PMEPA1: variants seen among roughly 807,000 people sequenced by gnomAD.
PMEPA1 encodes prostate transmembrane protein, androgen induced 1.
A neutral mutation model predicts 23.0 loss-of-function variants in PMEPA1; 11 were observed. The ratio of observed to expected loss-of-function variants is 0.48; its 90% confidence interval spans 0.30 to 0.79. The LOEUF is 0.79. Ranked by LOEUF, PMEPA1 falls within the 30% of genes least tolerant of loss-of-function variation. PMEPA1 has a pLI of 0.06. For missense variants in PMEPA1, 377 were observed against 390.9 expected (o/e 0.96, Z 0.30); for synonymous variants, 204 against 166.4 (o/e 1.23, Z -1.74).
Position 57,652,685 on chromosome 20 carries a change from T to C in PMEPA1, c.319-87A>G. 1 of 1,169,964 alleles carries C rather than the reference T, an allele frequency of 8.5e-7. No individual in the cohort carries two copies. 72.5% of individuals were successfully genotyped at this position (1,169,964 alleles called of 1,614,324 possible). A position where few individuals can be genotyped will look rare whatever the true frequency, so the allele number is the denominator to read the frequency against. Reference sequence around the variant, plus strand: ...ATCCTGAGACTGGAGTTCTGCTGCATGGGACTTGGCTCTCTGGGGAAAGGG... The same window carrying C: ...ATCCTGAGACTGGAGTTCTGCTGCACGGGACTTGGCTCTCTGGGGAAAGGG... On this transcript the variant is annotated intron_variant, in intron 3 of 3. Coordinates refer to ENST00000341744, the MANE Select transcript of PMEPA1 (RefSeq NM_020182.5). The surrounding 1 kb of genome is among the most constrained non-coding windows in gnomAD (Gnocchi z 6.1).
chr20:57,696,449 G>A (rs907644427), intron 1 of PMEPA1, among the ~76,000 whole-genome samples: 1 of 152,180 alleles, frequency 6.6e-6, no homozygotes, highest in Admixed American at 6.5e-5. Context: ...TTCAAATCCT[G>A]CTCTGCGGTG....
chr20:57,703,435 G>A (rs766761624), intron 1 of PMEPA1, among the ~76,000 whole-genome samples: 26 of 152,342 alleles, frequency 1.7e-4, no homozygotes, highest in Non-Finnish European at 3.2e-4. Flanking sequence ...CGTCAGGGCG[G>A]TGTTGACCTC....
Position 57,656,774 on chromosome 20 carries a change from G to A in PMEPA1, c.264+2769C>T, listed in dbSNP as rs922343235. Among the ~76,000 whole-genome samples, 2 of 152,186 alleles carry A rather than the reference G, an allele frequency of 1.3e-5. No individual in the cohort carries two copies. Among genetic ancestry groups the A allele is most frequent in the African/African-American group, 4.8e-5 (2 of 41,464 alleles). On this transcript the variant is annotated intron_variant, in intron 2 of 3. Coordinates refer to ENST00000341744, the MANE Select transcript of PMEPA1 (RefSeq NM_020182.5). This position sits in a 1 kb window ranked among gnomAD's most constrained non-coding sequence, Gnocchi z 4.7. ...AGCTCTTGTCTCCATACAGGCAAGA[G>A]GGGACCCCCAGGGTCACCCTGAAAA...
Position 57,709,633 on chromosome 20 carries a change from G to C in PMEPA1, c.-51C>G, listed in dbSNP as rs1413536811. 2.1e-6 allele frequency: 2 copies of C among 971,506 alleles called. No individual in the cohort carries two copies. Among genetic ancestry groups the C allele is most frequent in the Non-Finnish European group, 2.5e-6 (2 of 814,722 alleles). 60.2% of individuals were successfully genotyped at this position (971,506 alleles called of 1,614,324 possible). The stretch of plus-strand genomic sequence containing the variant: ...GCGCGGGGGGCTCGGGGGCGGCCGG[G>C]GGGGGCTCCGGCCGGCGCCCGGAGC... On this transcript the variant is annotated 5_prime_UTR_variant, in exon 1 of 4. Transcript: ENST00000341744.
intron 1 of PMEPA1, among the ~76,000 whole-genome samples, chr20:57,708,868 G>C (rs1449969682): frequency 6.6e-6 from 1 of 151,936 alleles, no homozygotes; most frequent in Non-Finnish European, 1.5e-5. Flanking sequence ...CACAGAGAGA[G>C]GCAGGAAGAC....
intron 1 of PMEPA1, among the ~76,000 whole-genome samples, chr20:57,663,823 C>G (rs2071456132): frequency 6.6e-6 from 1 of 152,188 alleles, no homozygotes; most frequent in Admixed American, 6.5e-5. Context: ...TCACCCCCAC[C>G]CATCAGGAAG....
intron 1 of PMEPA1, among the ~76,000 whole-genome samples, chr20:57,684,211 CG>C (rs3838934): frequency 0.055 from 8,319 of 150,450 alleles, 260 homozygotes; most frequent in Middle Eastern, 0.082. Flanking sequence ...GGAGGGGAGG[CG>C]GGTGGAAATT....
At chr20:57,690,153 G>A (rs1379108199) in intron 1 of PMEPA1, among the ~76,000 whole-genome samples, 2 of 152,230 alleles carry the variant, frequency 1.3e-5, no homozygotes, top group African/African-American at 4.8e-5. Context: ...TTCAGCCTGG[G>A]GGCCTCCATG....
At position 57,652,141 on chromosome 20, in the gene PMEPA1, G is replaced by T; in HGVS notation, c.776C>A (p.Thr259Asn). 6.3e-7 allele frequency: 1 copy of T among 1,597,794 alleles called. No individual in the cohort carries two copies. Among genetic ancestry groups the T allele is most frequent in the East Asian group, 2.3e-5 (1 of 44,132 alleles). The change falls in exon 4 of 4, where the codon ACC (threonine) becomes AAC (asparagine). Residue 259 changes from threonine to asparagine, a missense_variant. Thr to Asn is a moderately conservative substitution (Grantham distance 65). This residue lies in a region of PMEPA1 where 176 missense variants were observed against 173.0 expected (regional missense o/e 1.02). Coordinates refer to ENST00000341744, the MANE Select transcript of PMEPA1 (RefSeq NM_020182.5). This position sits in a 1 kb window ranked among gnomAD's most constrained non-coding sequence, Gnocchi z 6.1. The part of the protein sequence containing the change: ...SSGPPSLLEG[T>N]RLHHTHIAPL... ...CGCGATGTGTGTGTGGTGGAGCCGG[G>T]TCCCCTCCAGCAAGGAGGGCGGCCC...
Position 57,683,384 on chromosome 20 carries a change from G to C in PMEPA1, c.110-23687C>G, listed in dbSNP as rs1002413970. 6.6e-6 allele frequency among the ~76,000 whole-genome samples: 1 copy of C among 152,134 alleles called. No individual in the cohort carries two copies. Among genetic ancestry groups the C allele is most frequent in the Non-Finnish European group, 1.5e-5 (1 of 68,042 alleles). Reference sequence around the variant, plus strand: ...TAATCATTTTCCTTTAATTACTCCAGGAAAGACCCAATTACAGCGCAGACG... The same window carrying C: ...TAATCATTTTCCTTTAATTACTCCACGAAAGACCCAATTACAGCGCAGACG... On this transcript the variant is annotated intron_variant, in intron 1 of 3. Coordinates refer to ENST00000341744, the MANE Select transcript of PMEPA1 (RefSeq NM_020182.5). The surrounding 1 kb of genome is among the most constrained non-coding windows in gnomAD (Gnocchi z 4.3).
intron 1 of PMEPA1, among the ~76,000 whole-genome samples, chr20:57,702,663 G>A (rs149411104): frequency 4.6e-5 from 7 of 152,252 alleles, no homozygotes; most frequent in South Asian, 2.1e-4. Context: ...GGGAGCTTGC[G>A]TTTGAATCCC....
chr20:57,701,066 A>C (rs1262523715), intron 1 of PMEPA1, among the ~76,000 whole-genome samples: 1 of 147,284 alleles, frequency 6.8e-6, no homozygotes, highest in East Asian at 2.0e-4. Context: ...GAAGACATCA[A>C]AAAAAAAAAG....
In PMEPA1 at chr20:57,709,538, G is replaced by C. The variant is rs771157421; in HGVS notation, c.45C>G (p.Ala15=). Reference sequence around the variant, plus strand: ...ACGTGCAGGAGACATTGGGCTGCCCGGCGGCGGCGGCGGCGGTGCTGTTGA... The same window carrying C: ...ACGTGCAGGAGACATTGGGCTGCCCCGCGGCGGCGGCGGCGGTGCTGTTGA... ...MGVNSTAAAA[A]GQPNVSCTCN... Residue 15 remains alanine, a synonymous_variant, in exon 1 of 4, where the codon GCC becomes GCG. Transcript: ENST00000341744. 19 of 1,063,260 alleles carry C rather than the reference G, an allele frequency of 1.8e-5. 1 individual carries two copies. In the Middle Eastern group the frequency reaches 2.3e-3, roughly 131 times the overall value. The allele number at this position is 1,063,260 out of a possible 1,614,324, so 65.9% of individuals were successfully genotyped here.
rs759403857 is a variant in PMEPA1 at position 57,652,317 on chromosome 20, G to A, written c.600C>T (p.Ala200=). 8.1e-6 allele frequency: 13 copies of A among 1,611,952 alleles called. No individual in the cohort carries two copies. Among genetic ancestry groups the A allele is most frequent in the Non-Finnish European group, 1.1e-5 (13 of 1,179,854 alleles). Residue 200 remains alanine (A), a synonymous_variant, in exon 4 of 4, where the codon GCC becomes GCT. Transcript: ENST00000341744. This position sits in a 1 kb window ranked among gnomAD's most constrained non-coding sequence, Gnocchi z 6.1. ...TGGGGGGGCAGGGGCCGCCCAGCCT[G>A]GCACTATCCATCAGGTCACTGTCGA... ...TIFDSDLMDS[A]RLGGPCPPSS...
chr20:57,686,721 G>A (rs1230790202), intron 1 of PMEPA1, among the ~76,000 whole-genome samples: 1 of 152,274 alleles, frequency 6.6e-6, no homozygotes, highest in African/African-American at 2.4e-5. Context: ...CCTGTGAGAT[G>A]GAGTGACCAG....
chr20:57,706,188 C>T (rs1032795430), intron 1 of PMEPA1, among the ~76,000 whole-genome samples: 2 of 152,192 alleles, frequency 1.3e-5, no homozygotes, highest in Non-Finnish European at 2.9e-5. Context: ...AAACGCCTCC[C>T]GCGTGAGCAG....
intron 1 of PMEPA1, among the ~76,000 whole-genome samples, chr20:57,668,218 C>T (rs729779): frequency 0.031 from 4,669 of 152,186 alleles, 256 homozygotes; most frequent in African/African-American, 0.11. Flanking sequence ...GGACTGGGGC[C>T]CACATCAGGG....
At chr20:57,661,313 C>T (rs1038138820) in intron 1 of PMEPA1, among the ~76,000 whole-genome samples, 4 of 152,190 alleles carry the variant, frequency 2.6e-5, no homozygotes, top group Admixed American at 6.5e-5. Flanking sequence ...CCAGCAGAGC[C>T]CCCAGCAATG....
At position 57,648,426 on chromosome 20, in the gene PMEPA1, G is replaced by T. The variant is rs1029726861; in HGVS notation, c.*3627C>A. 1.3e-5 allele frequency: 2 copies of T among 152,688 alleles called. No individual in the cohort carries two copies. Among genetic ancestry groups the T allele is most frequent in the African/African-American group, 4.8e-5 (2 of 41,464 alleles). 9.5% of individuals were successfully genotyped at this position (152,688 alleles called of 1,614,324 possible). On this transcript the variant is annotated 3_prime_UTR_variant, in exon 4 of 4. Transcript: ENST00000341744. ...AAGAATTGTAAAATTTATTGTATAAGTATTGCAGCTTTTCAGAATGTCATC... is the reference window on the plus strand; with the variant it reads ...AAGAATTGTAAAATTTATTGTATAATTATTGCAGCTTTTCAGAATGTCATC...
Sources: gnomAD v4.1 joint callset for allele counts (sites outside exome capture counted in the v4.1 genomes callset) on GRCh38, gnomAD v4.1.1 for gene constraint, gnomAD v4.1.1 regional missense constraint, Gnocchi (gnomAD v3.1) non-coding constraint, MANE v1.5 for transcripts, NCBI Gene and HGNC (gene_info 2026-07-23, HGNC 2026-07-21) for gene names.